The following IQUB variants were observed in gnomAD, a reference collection of about 807,000 sequenced individuals.
The protein encoded by IQUB is IQ motif and ubiquitin domain containing.
Under a neutral mutation model 86.4 loss-of-function variants are expected in IQUB, and 86 were observed. The observed-to-expected ratio is 1.00, with a 90% CI of 0.84 to 1.19. IQUB has a LOEUF of 1.19. IQUB is among the 50% of genes most tolerant of loss of function. The pLI is 0.00. For missense variants in IQUB, 946 were observed against 916.9 expected (o/e 1.03, Z -0.41); for synonymous variants, 289 against 304.5 (o/e 0.95, Z 0.53).
intron 1 of IQUB, among the ~76,000 whole-genome samples, chr7:123,513,240 A>C (rs1207818494): frequency 6.6e-6 from 1 of 152,224 alleles, no homozygotes; most frequent in African/African-American, 2.4e-5. Context: ...AAATTTTTAA[A>C]AATGGAAATA....
At chr7:123,457,140 A>G (rs1525627) in intron 12 of IQUB, 280,053 of 962,574 alleles carry the variant, frequency 0.29, 41,502 homozygotes, top group African/African-American at 0.39. Flanking sequence ...GCTTAAACTT[A>G]CTATTAGGAG....
At chr7:123,471,551 A>G (rs1446228319) in intron 8 of IQUB, among the ~76,000 whole-genome samples, 3 of 152,184 alleles carry the variant, frequency 2.0e-5, no homozygotes, top group African/African-American at 7.2e-5. Flanking sequence ...TAATAATTCA[A>G]ATACAATAAC....
At chr7:123,493,126 A>T (rs1025070769) in intron 7 of IQUB, among the ~76,000 whole-genome samples, 1 of 152,010 alleles carries the variant, frequency 6.6e-6, no homozygotes, top group Non-Finnish European at 1.5e-5. Context: ...CTTTGTTTGG[A>T]CTCAGACCCC....
chr7:123,519,969 A>C (rs1419203508), intron 1 of IQUB, among the ~76,000 whole-genome samples: 1 of 140,462 alleles, frequency 7.1e-6, no homozygotes, highest in Non-Finnish European at 1.6e-5. Context: ...GGCTGAATTC[A>C]TTCATGCTTT....
intron 3 of IQUB, among the ~76,000 whole-genome samples, chr7:123,506,602 T>C (rs1251903973): frequency 6.6e-6 from 1 of 151,752 alleles, no homozygotes; most frequent in Non-Finnish European, 1.5e-5. Context: ...AACAACCAGA[T>C]CTCATGATAA....
chr7:123,479,761 A>G, intron 8 of IQUB, 34 bp downstream of exon 8: 1 of 1,472,750 alleles, frequency 6.8e-7, no homozygotes, highest in African/African-American at 1.4e-5. Flanking sequence ...AACTCAGAAT[A>G]CATTCATATT....
At chr7:123,453,027 C>G in intron 12 of IQUB, 102 bp from the exon 13 acceptor site, 1 of 797,364 alleles carries the variant, frequency 1.3e-6, no homozygotes, top group Non-Finnish European at 1.9e-6. Context: ...TTCTTTCATC[C>G]CAGACTACCT....
intron 7 of IQUB, among the ~76,000 whole-genome samples, chr7:123,492,208 G>A (rs755979488): frequency 5.9e-5 from 9 of 152,108 alleles, no homozygotes; most frequent in Non-Finnish European, 8.8e-5. Context: ...ATGGCATTTT[G>A]TTATAGTAGC....
chr7:123,531,636 G>A (rs1797540558), intron 1 of IQUB, among the ~76,000 whole-genome samples: 1 of 152,144 alleles, frequency 6.6e-6, no homozygotes, highest in South Asian at 2.1e-4. Flanking sequence ...AAACTCCACT[G>A]ACCGTCAGGT....
chr7:123,506,451 C>T (rs1381356652), intron 3 of IQUB, among the ~76,000 whole-genome samples: 2 of 152,144 alleles, frequency 1.3e-5, no homozygotes, highest in African/African-American at 2.4e-5. Flanking sequence ...AATTGGCTCA[C>T]AATTCCATGG....
At chr7:123,511,092 T>TA (rs551851928) in intron 2 of IQUB, among the ~76,000 whole-genome samples, 407 of 152,296 alleles carry the variant, frequency 2.7e-3, no homozygotes, top group African/African-American at 9.3e-3. Flanking sequence ...TAACTGGGCT[T>TA]ACGTAGTTTT....
At chr7:123,492,268 A>G (rs1018849384) in intron 7 of IQUB, among the ~76,000 whole-genome samples, 36 of 152,346 alleles carry the variant, frequency 2.4e-4, no homozygotes, top group African/African-American at 8.7e-4. Context: ...GCAATGGAGA[A>G]ATGACAGTGT....
At chr7:123,493,005 G>T (rs1354628504) in intron 7 of IQUB, among the ~76,000 whole-genome samples, 9 of 152,114 alleles carry the variant, frequency 5.9e-5, no homozygotes, top group Admixed American at 5.9e-4. Flanking sequence ...CCTTTTGATA[G>T]AAAACAAAGA....
intron 3 of IQUB, among the ~76,000 whole-genome samples, chr7:123,504,991 TGG>T (rs1796113847): frequency 6.6e-6 from 1 of 152,220 alleles, no homozygotes; most frequent in Non-Finnish European, 1.5e-5. Flanking sequence ...ATATAGGCAT[TGG>T]GTAAATATAC....
intron 1 of IQUB, among the ~76,000 whole-genome samples, chr7:123,530,350 C>G (rs1289030676): frequency 1.3e-5 from 2 of 150,356 alleles, no homozygotes; most frequent in East Asian, 2.0e-4. Flanking sequence ...GCAGGAGAAT[C>G]GCTTCAACCT....
At position 123,452,835 on chromosome 7, in the gene IQUB, T is replaced by C. The variant is rs1584534494; in HGVS notation, c.2284A>G (p.Ile762Val). 1 of 1,613,548 alleles carries C rather than the reference T, an allele frequency of 6.2e-7. No homozygotes were observed. The highest frequency in any genetic ancestry group is 2.2e-5 in the East Asian group (1 of 44,842). ...TCATCAATTTCACCATCATCAAGTA[T>C]AAATGAAGCCAGCACTGGAACCTGA... The part of the protein sequence containing the change: ...FSQVPVLASF[I>V]LDDGEIDEIR... The change falls in exon 13 of 13, where the codon ATA (isoleucine) becomes GTA (valine). Residue 762 changes from isoleucine (I) to valine (V), a missense_variant. Transcript: ENST00000324698.
chr7:123,481,385 T>C (rs1429518883), intron 7 of IQUB, among the ~76,000 whole-genome samples: 1 of 152,132 alleles, frequency 6.6e-6, no homozygotes, highest in Non-Finnish European at 1.5e-5. Flanking sequence ...CAAATTTCTG[T>C]CAAGATAGAA....
rs1418690066 is a variant in IQUB at position 123,502,678 on chromosome 7, A to G, written c.942T>C (p.Tyr314=). The change falls in exon 6 of 13, where the codon TAT becomes TAC. Residue 314 remains tyrosine, a synonymous_variant. Coordinates refer to ENST00000324698, the MANE Select transcript of IQUB (RefSeq NM_178827.5). The part of the protein sequence containing the change: ...TSTQMTNIGV[Y]VSNMTDKLVT... ...CCAGTTTATCAGTCATATTTGATAC[A>G]TATACACCAATGTTAGTCATCTGTG... The G allele has an allele frequency of 2.5e-6, 4 of 1,611,956 alleles. No individual in the cohort carries two copies. The East Asian group carries it at 6.7e-5, about 27-fold the overall frequency.
Position 123,452,641 on chromosome 7 carries a change from T to A in IQUB, c.*102A>T. The A allele has an allele frequency of 1.4e-6, 1 of 689,972 alleles. No homozygotes were observed. Among genetic ancestry groups the A allele is most frequent in the East Asian group, 3.0e-5 (1 of 33,750 alleles). 42.7% of individuals were successfully genotyped at this position (689,972 alleles called of 1,614,324 possible). ...ATACTATGAAAAACAAAAAACAAAATCAATAAACAGATTAAATTCCATTTC... is the reference window on the plus strand; with the variant it reads ...ATACTATGAAAAACAAAAAACAAAAACAATAAACAGATTAAATTCCATTTC... On this transcript the variant is annotated 3_prime_UTR_variant, in exon 13 of 13. Transcript: ENST00000324698.
Sources: allele counts gnomAD v4.1 joint callset (sites outside exome capture counted in the v4.1 genomes callset), GRCh38; gene constraint gnomAD v4.1.1; transcripts MANE v1.5; gene names NCBI Gene and HGNC (gene_info 2026-07-23, HGNC 2026-07-21).